The following ATR variants were observed in gnomAD, a reference collection of about 807,000 sequenced individuals.
The protein encoded by ATR is ATR checkpoint kinase.
In ATR, 142 loss-of-function variants were observed where a neutral mutation model predicts 305.3. That is an observed-to-expected ratio of 0.47 (90% confidence interval 0.41 to 0.53). The LOEUF is 0.53. ATR is among the 20% of genes least tolerant of loss of function. The pLI is 0.00. For synonymous variants in ATR, 1,050 were observed against 1,068.1 expected (o/e 0.98, Z 0.33); for missense variants, 2,135 against 3,133.1 (o/e 0.68, Z 7.60).
At chr3:142,548,669 CAA>C (rs1185146027) in intron 15 of ATR, among the ~76,000 whole-genome samples, 1,631 of 75,944 alleles carry the variant, frequency 0.021, 30 homozygotes, top group African/African-American at 0.065. Context: ...ACTCCCATCA[CAA>C]AAAAAAAAAA....
At position 142,558,251 on chromosome 3, in the gene ATR, G is replaced by A. The variant is rs139388769; in HGVS notation, c.1885+373C>T. 2.7e-4 allele frequency among the ~76,000 whole-genome samples: 41 copies of A among 152,108 alleles called. 1 individual carries two copies. In the East Asian group the frequency reaches 4.5e-3, roughly 17 times the overall value. On this transcript the variant is annotated intron_variant, in intron 8 of 46. Coordinates refer to ENST00000350721, the MANE Select transcript of ATR (RefSeq NM_001184.4). Reference sequence around the variant, plus strand: ...AAACAAACCACACAAGGCCAGGCATGGTGGCTCACGCCTGTAATCCTAGCA... The same window carrying A: ...AAACAAACCACACAAGGCCAGGCATAGTGGCTCACGCCTGTAATCCTAGCA...
At chr3:142,520,658 G>A (rs1307423726) in intron 23 of ATR, among the ~76,000 whole-genome samples, 1 of 152,086 alleles carries the variant, frequency 6.6e-6, no homozygotes, top group Admixed American at 6.6e-5. Context: ...ATCTGAGAGA[G>A]GAGAATAAGT....
intron 21 of ATR, among the ~76,000 whole-genome samples, chr3:142,529,387 C>T (rs775241101): frequency 2.0e-5 from 3 of 152,044 alleles, no homozygotes; most frequent in Non-Finnish European, 4.4e-5. Context: ...ATCTTACTTA[C>T]TCCTTACTCT....
chr3:142,560,275 T>C lies in ATR; in HGVS notation c.1529A>G (p.Gln510Arg), dbSNP rs1316788495. 6.2e-7 allele frequency: 1 copy of C among 1,613,786 alleles called. No individual in the cohort carries two copies. Among genetic ancestry groups the C allele is most frequent in the Non-Finnish European group, 8.5e-7 (1 of 1,179,778 alleles). Reference sequence around the variant, plus strand: ...AAGTTTGTTTTACCAGTTCATGTTTTGATGAGAACAATGAACAGTACACAG... The same window carrying C: ...AAGTTTGTTTTACCAGTTCATGTTTCGATGAGAACAATGAACAGTACACAG... ...TALCTVHCSH[Q>R]NMNCRTFKDC... The change falls in exon 6 of 47, where the codon CAA becomes CGA. Residue 510 changes from glutamine to arginine, a missense_variant. Gln to Arg is a conservative substitution (Grantham distance 43). This residue lies in a region of ATR where 744 missense variants were observed against 873.2 expected (regional missense o/e 0.85). Coordinates refer to ENST00000350721, the MANE Select transcript of ATR (RefSeq NM_001184.4).
At chr3:142,520,133 T>C (rs1015099572) in intron 23 of ATR, among the ~76,000 whole-genome samples, 2 of 152,252 alleles carry the variant, frequency 1.3e-5, no homozygotes, top group African/African-American at 4.8e-5. Flanking sequence ...TTGATGTTAC[T>C]GTTGTAATTG....
chr3:142,538,768 C>T, intron 18 of ATR, 143 bp from the exon 19 acceptor site: 5 of 1,075,036 alleles, frequency 4.7e-6, no homozygotes, highest in Non-Finnish European at 6.7e-6. Flanking sequence ...AAGATCAGTG[C>T]TATATATTCA....
chr3:142,565,364 AC>A lies in ATR; in HGVS notation c.292+756del, dbSNP rs1265881847. 2.0e-4 allele frequency among the ~76,000 whole-genome samples: 31 copies of A among 152,194 alleles called. 1 individual carries two copies. The highest frequency in any genetic ancestry group is 2.0e-3 in the Admixed American group (31 of 15,274). ...AATTTTAAAATACTTTATCCATTATACAAAAAAAATGTTTATTTTGCATCTC... is the reference window on the plus strand; with the variant it reads ...AATTTTAAAATACTTTATCCATTATAAAAAAAAATGTTTATTTTGCATCTC... On this transcript the variant is annotated intron_variant, in intron 3 of 46. Transcript: ENST00000350721.
chr3:142,532,872 G>A (rs13065800), intron 21 of ATR, among the ~76,000 whole-genome samples: 51,862 of 151,992 alleles, frequency 0.34, 9,389 homozygotes, highest in Middle Eastern at 0.44. Flanking sequence ...TAAGAGTACT[G>A]ACTACAAAGA....
At chr3:142,522,434 A>G (rs1269699634) in intron 23 of ATR, among the ~76,000 whole-genome samples, 1 of 152,282 alleles carries the variant, frequency 6.6e-6, no homozygotes. Flanking sequence ...AGAGCTGTGA[A>G]CATCCTTAGG....
chr3:142,484,522 T>C (rs1183380056), intron 36 of ATR, among the ~76,000 whole-genome samples: 1 of 152,078 alleles, frequency 6.6e-6, no homozygotes, highest in Middle Eastern at 3.2e-3. Context: ...TACCTATCTC[T>C]TCATCAGACT....
chr3:142,563,684 AAAGG>A (rs901651378), intron 3 of ATR, among the ~76,000 whole-genome samples: 18 of 152,142 alleles, frequency 1.2e-4, no homozygotes, highest in Non-Finnish European at 1.5e-4. Flanking sequence ...TGTTCAAATG[AAAGG>A]AAGAGTCACA....
chr3:142,519,023 C>G (rs1380156712), intron 24 of ATR, among the ~76,000 whole-genome samples: 1 of 152,040 alleles, frequency 6.6e-6, no homozygotes, highest in African/African-American at 2.4e-5. Context: ...TAGCTTTAAA[C>G]TTTAAATTTC....
In ATR at chr3:142,513,482, G is replaced by A. The variant is rs1379798295; in HGVS notation, c.4641+19C>T. 1.9e-6 allele frequency: 3 copies of A among 1,612,552 alleles called. No individual in the cohort carries two copies. The highest frequency in any genetic ancestry group is 2.2e-5 in the East Asian group (1 of 44,708). On this transcript the variant is annotated intron_variant, in intron 26 of 46. Transcript: ENST00000350721. ...TAAGTTTCACATGTTCAAAAACCAA[G>A]TAAGATGATTTATCTCACCTCCTGC... is the stretch of plus-strand genomic sequence containing the variant.
intron 10 of ATR, among the ~76,000 whole-genome samples, chr3:142,554,956 C>T (rs1452870129): frequency 6.6e-6 from 1 of 151,150 alleles, no homozygotes; most frequent in Non-Finnish European, 1.5e-5. Context: ...AGAAGAAAGG[C>T]CGGGCATGGT....
chr3:142,474,506 GTCT>G (rs1368314679), intron 36 of ATR, among the ~76,000 whole-genome samples: 6 of 152,172 alleles, frequency 3.9e-5, no homozygotes, highest in East Asian at 1.9e-4. Context: ...AAATGAGATT[GTCT>G]TCTTAATTTA....
chr3:142,468,710 C>T (rs1349334111), intron 38 of ATR, among the ~76,000 whole-genome samples: 2 of 152,006 alleles, frequency 1.3e-5, no homozygotes, highest in Admixed American at 6.6e-5. Flanking sequence ...CAGGTACTGG[C>T]GGGGCACGAT....
At chr3:142,473,830 C>T (rs190511526) in intron 36 of ATR, among the ~76,000 whole-genome samples, 9 of 151,948 alleles carry the variant, frequency 5.9e-5, no homozygotes, top group African/African-American at 1.4e-4. Context: ...TGAGCCACCA[C>T]GCCCGGCCAG....
At chr3:142,531,971 C>CA (rs1373590437) in intron 21 of ATR, among the ~76,000 whole-genome samples, 3 of 152,190 alleles carry the variant, frequency 2.0e-5, no homozygotes, top group African/African-American at 7.2e-5. Flanking sequence ...GATGGTATCT[C>CA]ATTGTGGTTT....
chr3:142,453,676 A>C (rs566265616), intron 45 of ATR, among the ~76,000 whole-genome samples: 1 of 152,286 alleles, frequency 6.6e-6, no homozygotes, highest in East Asian at 1.9e-4. Flanking sequence ...TATGTTCCAA[A>C]CACCTCAAAC....
Sources: allele counts gnomAD v4.1 joint callset (sites outside exome capture counted in the v4.1 genomes callset), GRCh38; gene constraint gnomAD v4.1.1; regional missense constraint gnomAD v4.1.1; transcripts MANE v1.5; gene names NCBI Gene and HGNC (gene_info 2026-07-23, HGNC 2026-07-21).